MET: variants seen among roughly 807,000 people sequenced by gnomAD.
MET encodes hepatocyte growth factor receptor.
In MET, 48 loss-of-function variants were observed where a neutral mutation model predicts 133.1. That is an observed-to-expected ratio of 0.36 (90% confidence interval 0.29 to 0.46). MET has a LOEUF of 0.46. Ranked by LOEUF, MET falls within the 20% of genes least tolerant of loss-of-function variation. MET has a pLI of 1.00. For missense variants in MET, 1,442 were observed against 1,695.9 expected, an observed-to-expected ratio of 0.85 and a Z score of 2.63; for synonymous variants, 628 against 616.5, an observed-to-expected ratio of 1.02 and a Z score of -0.28.
At chr7:116,757,574 TA>T in intron 7 of MET, 35 bp downstream of exon 7, 2 of 1,612,820 alleles carry the variant, frequency 1.2e-6, no homozygotes, top group Non-Finnish European at 8.5e-7. Context: ...GTTTGATTTT[TA>T]CTTAATCTAT....
chr7:116,750,406 C>T (rs1054255212), intron 5 of MET, among the ~76,000 whole-genome samples: 1 of 152,214 alleles, frequency 6.6e-6, no homozygotes, highest in African/African-American at 2.4e-5. Flanking sequence ...TGGACCCCTT[C>T]CTTACACCTT....
At chr7:116,791,540 A>G (rs1795493948) in intron 19 of MET, among the ~76,000 whole-genome samples, 1 of 152,062 alleles carries the variant, frequency 6.6e-6, no homozygotes, top group African/African-American at 2.4e-5. Flanking sequence ...ATTTTTAAGT[A>G]TTTATTAATA....
chr7:116,683,490 C>T (rs111955405), intron 1 of MET, among the ~76,000 whole-genome samples: 2,834 of 152,318 alleles, frequency 0.019, 69 homozygotes, highest in East Asian at 0.069. Flanking sequence ...AAAACACACA[C>T]ATCAGGCATC....
chr7:116,757,995 T>A (rs1794254808), intron 8 of MET, among the ~76,000 whole-genome samples: 1 of 152,178 alleles, frequency 6.6e-6, no homozygotes, highest in Non-Finnish European at 1.5e-5. Context: ...CTTTTCAGTT[T>A]TGTCTTCCCA....
chr7:116,730,597 AAGG>A (rs929314743), intron 2 of MET, among the ~76,000 whole-genome samples: 7 of 152,186 alleles, frequency 4.6e-5, no homozygotes, highest in African/African-American at 1.4e-4. Flanking sequence ...GAAGGGCATG[AAGG>A]AGAAGACTGG....
In MET at chr7:116,793,849, A is replaced by G. The variant is rs571746962; in HGVS notation, c.3799-1806A>G. On this transcript the variant is annotated intron_variant, in intron 19 of 20. Transcript: ENST00000397752. ...GGGAGGAAGAGGTTGCAGTACACCA[A>G]GATTGCACCACTTCACTCCAGCCTG... Among the ~76,000 whole-genome samples the G allele has an allele frequency of 5.9e-5, 9 of 152,236 alleles. 1 individual carries two copies. The South Asian group carries it at 1.9e-3, about 32-fold the overall frequency.
chr7:116,701,890 G>C (rs953686961), intron 2 of MET, among the ~76,000 whole-genome samples: 1 of 152,068 alleles, frequency 6.6e-6, no homozygotes, highest in Non-Finnish European at 1.5e-5. Flanking sequence ...TAGAGCACAT[G>C]GATTTGCTAT....
chr7:116,755,478 A>G lies in MET; in HGVS notation c.1825A>G (p.Ser609Gly). Reference protein sequence around the residue: ...KKTRVLLGNESCTLTLSESTM... With the variant: ...KKTRVLLGNEGCTLTLSESTM... ...AACTAGAGTTCTCCTTGGAAATGAG[A>G]GCTGCACCTTGACTTTAAGTGAGAG... Residue 609 changes from serine to glycine, a missense_variant, in exon 6 of 21, where the codon AGC becomes GGC. This residue lies in a region of MET where 762 missense variants were observed against 792.4 expected (regional missense o/e 0.96). Transcript: ENST00000397752. 1 of 1,614,152 alleles carries G rather than the reference A, an allele frequency of 6.2e-7. No homozygotes were observed.
chr7:116,785,939 A>C (rs1483667995), intron 19 of MET, among the ~76,000 whole-genome samples: 1 of 152,278 alleles, frequency 6.6e-6, no homozygotes, highest in Non-Finnish European at 1.5e-5. Flanking sequence ...TAGAATGTCC[A>C]GGCAGAGAAG....
rs2117107849 is a variant in MET, at chr7:116,795,692, G to A, written c.3836G>A (p.Arg1279Lys). The change falls in exon 20 of 21, where the codon AGA becomes AAA. Residue 1279 changes from arginine (R) to lysine (K), a missense_variant. Arg to Lys is a conservative substitution (Grantham distance 26). Coordinates refer to ENST00000397752, the MANE Select transcript of MET (RefSeq NM_000245.4). ...FGVLLWELMTRGAPPYPDVNT... is the reference protein window; with the variant it reads ...FGVLLWELMTKGAPPYPDVNT... Reference sequence around the variant, plus strand: ...GTGCTCCTCTGGGAGCTGATGACAAGAGGAGCCCCACCTTATCCTGACGTA... The same window carrying A: ...GTGCTCCTCTGGGAGCTGATGACAAAAGGAGCCCCACCTTATCCTGACGTA... The A allele has an allele frequency of 6.2e-7, 1 of 1,614,110 alleles. No homozygotes were observed. Among genetic ancestry groups the A allele is most frequent in the South Asian group, 1.1e-5 (1 of 91,082 alleles).
intron 3 of MET, among the ~76,000 whole-genome samples, chr7:116,733,128 C>T (rs1432789061): frequency 6.6e-6 from 1 of 152,082 alleles, no homozygotes; most frequent in Non-Finnish European, 1.5e-5. Flanking sequence ...GGAAGCCCCG[C>T]CCCTCCCACA....
chr7:116,767,336 T>C (rs1794663379), intron 11 of MET, among the ~76,000 whole-genome samples: 1 of 152,158 alleles, frequency 6.6e-6, no homozygotes, highest in Non-Finnish European at 1.5e-5. Flanking sequence ...ATATAGCACA[T>C]TGGGAGTAAT....
At chr7:116,794,518 C>T (rs2117103002) in intron 19 of MET, among the ~76,000 whole-genome samples, 1 of 152,362 alleles carries the variant, frequency 6.6e-6, no homozygotes, top group Non-Finnish European at 1.5e-5. Context: ...TAATTTGTAT[C>T]AGCAATTACA....
chr7:116,724,680 G>GA (rs957452788), intron 2 of MET: 22 of 517,518 alleles, frequency 4.3e-5, no homozygotes, highest in East Asian at 2.7e-4. Flanking sequence ...CTTGGAATCG[G>GA]AAAAAAAATC....
In MET at chr7:116,672,285, C is replaced by T. The variant is rs1796000145; in HGVS notation, c.-307C>T. On this transcript the variant is annotated 5_prime_UTR_variant, in exon 1 of 21. Coordinates refer to ENST00000397752, the MANE Select transcript of MET (RefSeq NM_000245.4). ...AACGCGCCCGGGCCGCCGCGGGCCGCGCGCGCCGATGCCCGGCTGAGTCAC... is the reference window on the plus strand; with the variant it reads ...AACGCGCCCGGGCCGCCGCGGGCCGTGCGCGCCGATGCCCGGCTGAGTCAC... 1.1e-5 allele frequency: 2 copies of T among 181,568 alleles called. No individual in the cohort carries two copies. Among genetic ancestry groups the T allele is most frequent in the Non-Finnish European group, 2.3e-5 (2 of 88,674 alleles). 11.2% of individuals were successfully genotyped at this position (181,568 alleles called of 1,614,324 possible).
chr7:116,733,685 AATGCTT>A (rs1345348634), intron 3 of MET, among the ~76,000 whole-genome samples: 1 of 152,214 alleles, frequency 6.6e-6, no homozygotes, highest in Non-Finnish European at 1.5e-5. Context: ...AGGTAAAAAA[AATGCTT>A]ATTTTATGAA....
At position 116,683,193 on chromosome 7, in the gene MET, T is replaced by C. The variant is rs182483696; in HGVS notation, c.-15+10616T>C. On this transcript the variant is annotated intron_variant, in intron 1 of 20. Transcript: ENST00000397752. Reference sequence around the variant, plus strand: ...TTAAGCCTAGTACCCAATAGTTATCTTTTCTGCTCCTCTCCCTCCTCTGCC... The same window carrying C: ...TTAAGCCTAGTACCCAATAGTTATCCTTTCTGCTCCTCTCCCTCCTCTGCC... 7.2e-5 allele frequency among the ~76,000 whole-genome samples: 11 copies of C among 152,326 alleles called. No individual in the cohort carries two copies. The East Asian group carries it at 2.1e-3, about 29-fold the overall frequency.
chr7:116,769,018 A>G (rs1794739082), intron 11 of MET, among the ~76,000 whole-genome samples: 1 of 152,234 alleles, frequency 6.6e-6, no homozygotes, highest in African/African-American at 2.4e-5. Context: ...AGCATCTCAC[A>G]TAAATTTCTT....
chr7:116,734,370 T>C (rs531529809), intron 3 of MET, among the ~76,000 whole-genome samples: 1 of 152,370 alleles, frequency 6.6e-6, no homozygotes, highest in African/African-American at 2.4e-5. Context: ...TCTTTCCTAT[T>C]GTGCTTATGT....
Sources: allele counts gnomAD v4.1 joint callset (sites outside exome capture counted in the v4.1 genomes callset), GRCh38; gene constraint gnomAD v4.1.1; regional missense constraint gnomAD v4.1.1; transcripts MANE v1.5; gene names NCBI Gene and HGNC (gene_info 2026-07-23, HGNC 2026-07-21).